CTDP1: variants seen among roughly 807,000 people sequenced by gnomAD.
The protein encoded by CTDP1 is CTD phosphatase 1.
In CTDP1, 47 loss-of-function variants were observed where a neutral mutation model predicts 91.8. The ratio of observed to expected loss-of-function variants is 0.51; its 90% confidence interval spans 0.41 to 0.65. The LOEUF (loss-of-function observed/expected upper bound fraction) is 0.65. Ranked by LOEUF, CTDP1 falls within the 30% of genes least tolerant of loss-of-function variation. The pLI, the probability that CTDP1 is intolerant of heterozygous loss-of-function variation, is 0.00. For missense variants in CTDP1, 1,272 were observed against 1,373.7 expected, an observed-to-expected ratio of 0.93 and a Z score of 1.17; for synonymous variants, 656 against 598.5, an observed-to-expected ratio of 1.10 and a Z score of -1.40.
At chr18:79,711,835 C>T (rs902313010) in intron 6 of CTDP1, among the ~76,000 whole-genome samples, 3 of 152,174 alleles carry the variant, frequency 2.0e-5, no homozygotes, top group Non-Finnish European at 4.4e-5. Flanking sequence ...CTTTTATATG[C>T]TTTGACGTTT....
chr18:79,717,774 G>A (rs368184210), intron 9 of CTDP1, 36 bp from the exon 10 acceptor site: 18 of 1,613,522 alleles, frequency 1.1e-5, no homozygotes, highest in African/African-American at 2.7e-5. Context: ...TCACCCGGAC[G>A]CCCCGCTCAT....
chr18:79,686,837 G>A (rs537153147), intron 1 of CTDP1, among the ~76,000 whole-genome samples: 715 of 150,746 alleles, frequency 4.7e-3, no homozygotes, highest in Non-Finnish European at 8.9e-3. Context: ...GGCCTGCACC[G>A]CAGCAGTTGG....
intron 3 of CTDP1, among the ~76,000 whole-genome samples, chr18:79,697,527 C>T (rs1025248923): frequency 2.0e-5 from 3 of 152,216 alleles, no homozygotes; most frequent in African/African-American, 2.4e-5. Context: ...CCCAGCCGGC[C>T]GACTTGGTTT....
At chr18:79,720,891 CCA>C (rs1022021411) in intron 10 of CTDP1, among the ~76,000 whole-genome samples, 3 of 152,270 alleles carry the variant, frequency 2.0e-5, no homozygotes, top group Admixed American at 6.5e-5. Flanking sequence ...TTGGGGGTCC[CCA>C]CACACAGACT....
intron 6 of CTDP1, among the ~76,000 whole-genome samples, chr18:79,711,640 G>A (rs1256020756): frequency 6.6e-6 from 1 of 152,216 alleles, no homozygotes; most frequent in Non-Finnish European, 1.5e-5. Context: ...TTTCTTAGGA[G>A]CTTGCTTGTG....
rs1054156357 is a variant in CTDP1 at position 79,754,479 on chromosome 18, TC to T, written c.*690del. 1 of 152,766 alleles carries T rather than the reference TC, an allele frequency of 6.5e-6. No individual in the cohort carries two copies. Among genetic ancestry groups the T allele is most frequent in the African/African-American group, 2.4e-5 (1 of 41,458 alleles). The allele number at this position is 152,766 out of a possible 1,614,324, so 9.5% of individuals were successfully genotyped here. On this transcript the variant is annotated 3_prime_UTR_variant, in exon 13 of 13. Coordinates refer to ENST00000613122, the MANE Select transcript of CTDP1 (RefSeq NM_004715.5). ...ATATCTGACCCACCAAACAGATTTC[TC>T]TTTAATAAAAATCCTTTTTGTAAGT...
Position 79,713,144 on chromosome 18 carries a change from T to TA in CTDP1, c.1030+8dup, listed in dbSNP as rs1159097430. 1.2e-6 allele frequency: 2 copies of TA among 1,613,536 alleles called. No homozygotes were observed. The highest frequency in any genetic ancestry group is 3.3e-5 in the Admixed American group (2 of 59,968). ...ATCTCAGACGAGAAAGAAAGGTGGG[T>TA]AACCTCCTTCCTGATTCTCTAGAAG... On this transcript the variant is annotated splice_region_variant and intron_variant, in intron 7 of 12. Transcript: ENST00000613122. This position sits in a 1 kb window ranked among gnomAD's most constrained non-coding sequence, Gnocchi z 4.7.
rs540897470 is a variant in CTDP1 at position 79,749,020 on chromosome 18, A to G, written c.2748-4632A>G. ...GTTCAGGTCCTGTGGCACCCTGCCA[A>G]GTTATGCTGGCGTTTCTGAAGGTGT... On this transcript the variant is annotated intron_variant, in intron 12 of 12. Coordinates refer to ENST00000613122, the MANE Select transcript of CTDP1 (RefSeq NM_004715.5). 1.5e-4 allele frequency among the ~76,000 whole-genome samples: 23 copies of G among 152,310 alleles called. No individual in the cohort carries two copies. In the South Asian group the frequency reaches 3.9e-3, roughly 26 times the overall value.
chr18:79,720,683 G>A (rs2086326415), intron 10 of CTDP1, among the ~76,000 whole-genome samples: 1 of 152,218 alleles, frequency 6.6e-6, no homozygotes, highest in Non-Finnish European at 1.5e-5. Context: ...TTGCGGGCTG[G>A]TTGGGTTTTT....
intron 8 of CTDP1, 32 bp downstream of exon 8, chr18:79,715,560 G>A: frequency 2.6e-6 from 4 of 1,531,442 alleles, no homozygotes; most frequent in Non-Finnish European, 3.5e-6. Context: ...CCTGGGCATG[G>A]TCAGGCCCGC....
intron 5 of CTDP1, among the ~76,000 whole-genome samples, chr18:79,709,870 C>T (rs1022979934): frequency 6.6e-6 from 1 of 152,212 alleles, no homozygotes; most frequent in Non-Finnish European, 1.5e-5. Context: ...AACCTTTCCT[C>T]CACTAACCAT....
chr18:79,720,082 G>A (rs2086305788), intron 10 of CTDP1, among the ~76,000 whole-genome samples: 1 of 147,124 alleles, frequency 6.8e-6, no homozygotes, highest in South Asian at 2.2e-4. Flanking sequence ...CTCCCATCGT[G>A]TCCTGGTGAT....
At chr18:79,703,467 T>A (rs902571234) in intron 4 of CTDP1, 2 of 152,250 alleles carry the variant, frequency 1.3e-5, no homozygotes, top group African/African-American at 2.4e-5. Flanking sequence ...CTCATTTCAC[T>A]GTCTACTAAA....
intron 4 of CTDP1, among the ~76,000 whole-genome samples, chr18:79,699,311 A>G (rs2085808937): frequency 1.3e-5 from 2 of 152,104 alleles, no homozygotes; most frequent in African/African-American, 4.8e-5. Context: ...CCCAGGCTGG[A>G]GTGCAGTGGC....
intron 12 of CTDP1, among the ~76,000 whole-genome samples, chr18:79,751,536 T>C (rs1025852769): frequency 2.0e-5 from 3 of 152,184 alleles, no homozygotes; most frequent in Non-Finnish European, 4.4e-5. Context: ...CGGGGTTCTC[T>C]TGTCTTCTGT....
intron 3 of CTDP1, among the ~76,000 whole-genome samples, chr18:79,696,675 G>C (rs2122499472): frequency 1.3e-5 from 2 of 152,288 alleles, no homozygotes; most frequent in East Asian, 3.9e-4. Context: ...GAGAGCCCAT[G>C]GGGGGTACGC....
intron 12 of CTDP1, among the ~76,000 whole-genome samples, chr18:79,743,551 A>G (rs944987966): frequency 1.2e-4 from 18 of 145,274 alleles, no homozygotes; most frequent in Admixed American, 6.9e-5. Flanking sequence ...AAAACAGTGA[A>G]GCACAAAGTG....
At chr18:79,677,584 C>T (rs1006191181), upstream of CTDP1, 1 of 152,394 alleles carries the variant, frequency 6.6e-6, no homozygotes. Flanking sequence ...AACCTATAGG[C>T]TAAACTTACA....
intron 12 of CTDP1, among the ~76,000 whole-genome samples, chr18:79,742,403 G>A (rs2086799340): frequency 6.6e-6 from 1 of 152,206 alleles, no homozygotes. Flanking sequence ...ACCACACCCA[G>A]GCCCCTGTAT....
Sources: allele counts gnomAD v4.1 joint callset (sites outside exome capture counted in the v4.1 genomes callset), GRCh38; gene constraint gnomAD v4.1.1; non-coding constraint Gnocchi (gnomAD v3.1); transcripts MANE v1.5; gene names NCBI Gene and HGNC (gene_info 2026-07-23, HGNC 2026-07-21).